BCR: variants seen among roughly 807,000 people sequenced by gnomAD.
BCR encodes BCR activator of RhoGEF and GTPase, also known as breakpoint cluster region protein.
In BCR, 58 loss-of-function variants were observed where a neutral mutation model predicts 138.6. The observed-to-expected ratio is 0.42, with a 90% confidence interval of 0.34 to 0.52. BCR has a LOEUF of 0.52. BCR is among the 20% of genes least tolerant of loss of function. The probability of loss-of-function intolerance (pLI) is 0.06; values close to 1 mark genes in which losing one functional copy is unlikely to be tolerated. For missense variants in BCR, 1,599 were observed against 1,727.2 expected (o/e 0.93, Z 1.32); for synonymous variants, 786 against 730.1 (o/e 1.08, Z -1.23).
chr22:23,191,082 G>T (rs919601736), intron 1 of BCR, among the ~76,000 whole-genome samples: 2 of 152,010 alleles, frequency 1.3e-5, no homozygotes, highest in Non-Finnish European at 2.9e-5. Flanking sequence ...ACAGGCGCGT[G>T]CCACCATGCC....
intron 4 of BCR, chr22:23,263,300 G>A (rs1164857496): frequency 1.7e-6 from 2 of 1,150,834 alleles, no homozygotes; most frequent in African/African-American, 1.5e-5. Flanking sequence ...TGTACCGCTG[G>A]CTGTGGCACT....
At chr22:23,273,521 A>G (rs1346816723) in intron 7 of BCR, 113 bp from the exon 8 acceptor site, 80 of 1,420,014 alleles carry the variant, frequency 5.6e-5, no homozygotes, top group Non-Finnish European at 7.6e-5. Context: ...CTGTGGTGAC[A>G]CTGAGGGAGC....
At chr22:23,202,444 A>G (rs2072563620) in intron 1 of BCR, among the ~76,000 whole-genome samples, 2 of 152,132 alleles carry the variant, frequency 1.3e-5, no homozygotes, top group South Asian at 4.1e-4. Flanking sequence ...CATCACTATC[A>G]TCCATCTCCA....
At chr22:23,199,784 T>G (rs1249016932) in intron 1 of BCR, among the ~76,000 whole-genome samples, 1 of 152,186 alleles carries the variant, frequency 6.6e-6, no homozygotes, top group Non-Finnish European at 1.5e-5. Flanking sequence ...GGAGGGTCAC[T>G]TTATTGAATT....
At chr22:23,195,604 C>T (rs1270222009) in intron 1 of BCR, among the ~76,000 whole-genome samples, 3 of 149,916 alleles carry the variant, frequency 2.0e-5, no homozygotes, top group South Asian at 2.1e-4. Context: ...AAATAAAAAC[C>T]GGCCGGGCGC....
chr22:23,297,534 C>T lies in BCR; in HGVS notation c.3012+2379C>T, dbSNP rs1340917951. On this transcript the variant is annotated intron_variant, in intron 16 of 22. Coordinates refer to ENST00000305877, the MANE Select transcript of BCR (RefSeq NM_004327.4). Reference sequence around the variant, plus strand: ...CAAAGCCAGTCGTGCTCCCATCGCTCCCACTTCTCTCTCCCTCTCCATGTT... The same window carrying T: ...CAAAGCCAGTCGTGCTCCCATCGCTTCCACTTCTCTCTCCCTCTCCATGTT... Among the ~76,000 whole-genome samples the T allele has an allele frequency of 2.0e-5, 3 of 152,186 alleles. No individual in the cohort carries two copies. The East Asian group carries it at 5.8e-4, about 29-fold the overall frequency.
intron 1 of BCR, among the ~76,000 whole-genome samples, chr22:23,183,962 A>G (rs1195492885): frequency 5.3e-5 from 8 of 152,220 alleles, no homozygotes; most frequent in Non-Finnish European, 1.0e-4. Flanking sequence ...TCCTCAGGAA[A>G]TGGCTGAGGA....
At chr22:23,278,872 CAG>C (rs2073609511) in intron 8 of BCR, among the ~76,000 whole-genome samples, 1 of 152,220 alleles carries the variant, frequency 6.6e-6, no homozygotes, top group Admixed American at 6.5e-5. Context: ...GGACACCAAA[CAG>C]AAGCTGTAAG....
intron 1 of BCR, among the ~76,000 whole-genome samples, chr22:23,211,157 A>G (rs1295455570): frequency 1.3e-5 from 2 of 152,208 alleles, no homozygotes; most frequent in Non-Finnish European, 2.9e-5. Flanking sequence ...ATCACATGGT[A>G]CATAGCTTTT....
chr22:23,203,865 C>CT (rs1031415912), intron 1 of BCR, among the ~76,000 whole-genome samples: 3 of 152,192 alleles, frequency 2.0e-5, no homozygotes, highest in African/African-American at 7.2e-5. Context: ...TCCTGCTTGG[C>CT]TTTCATTGAA....
chr22:23,228,853 T>C (rs2072921702), intron 1 of BCR, among the ~76,000 whole-genome samples: 1 of 152,214 alleles, frequency 6.6e-6, no homozygotes, highest in Non-Finnish European at 1.5e-5. Context: ...TTCTTTATCC[T>C]GTTTGGGGTT....
intron 1 of BCR, chr22:23,199,364 G>A (rs757056600): frequency 5.8e-6 from 3 of 513,054 alleles, no homozygotes; most frequent in Admixed American, 2.0e-5. Flanking sequence ...TGAGCCCCGC[G>A]GTTGCTTATT....
chr22:23,228,628 A>C (rs1002070040), intron 1 of BCR, among the ~76,000 whole-genome samples: 3 of 152,124 alleles, frequency 2.0e-5, no homozygotes, highest in Admixed American at 2.0e-4. Context: ...TTTTCATTGG[A>C]TATAACATTC....
intron 1 of BCR, among the ~76,000 whole-genome samples, chr22:23,244,076 C>T (rs1339808864): frequency 6.6e-6 from 1 of 152,190 alleles, no homozygotes; most frequent in Non-Finnish European, 1.5e-5. Flanking sequence ...TCTTGTGGTA[C>T]TGAGCCCTTA....
At chr22:23,288,247 A>G in intron 12 of BCR, 75 bp downstream of exon 12, 3 of 1,419,988 alleles carry the variant, frequency 2.1e-6, no homozygotes, top group Non-Finnish European at 3.0e-6. Context: ...GTGGTTTTAA[A>G]CCTTCTTTTT....
At chr22:23,270,376 C>G (rs181742094) in intron 5 of BCR, among the ~76,000 whole-genome samples, 1 of 152,288 alleles carries the variant, frequency 6.6e-6, no homozygotes, top group African/African-American at 2.4e-5. Flanking sequence ...ACCAAACTCA[C>G]AAGTTTTCTT....
rs775996427 is a variant in BCR, at chr22:23,181,482, G to A, written c.522G>A (p.Lys174=). ...GCCAGCCCGGGGCGGACGCCGAGAA[G>A]CCCTTCTACGTGAACGTCGAGTTTC... ...GHGQPGADAE[K]PFYVNVEFHH... The change falls in exon 1 of 23, where the codon AAG becomes AAA. Residue 174 remains lysine (K), a synonymous_variant. Transcript: ENST00000305877. 5.0e-6 allele frequency: 8 copies of A among 1,610,498 alleles called. No homozygotes were observed. Among genetic ancestry groups the A allele is most frequent in the East Asian group, 4.5e-5 (2 of 44,778 alleles).
At chr22:23,207,752 C>T (rs903240998) in intron 1 of BCR, among the ~76,000 whole-genome samples, 4 of 152,194 alleles carry the variant, frequency 2.6e-5, no homozygotes, top group Non-Finnish European at 4.4e-5. Context: ...TTCTCAGACA[C>T]TTGGGATAGC....
Position 23,273,687 on chromosome 22 carries a change from C to T in BCR, c.2028C>T (p.Asp676=), listed in dbSNP as rs748516885. 12 of 1,614,150 alleles carry T rather than the reference C, an allele frequency of 7.4e-6. No individual in the cohort carries two copies. The highest frequency in any genetic ancestry group is 2.2e-5 in the South Asian group (2 of 91,080). The change falls in exon 8 of 23, where the codon GAC becomes GAT. Residue 676 remains aspartate, a synonymous_variant. Coordinates refer to ENST00000305877, the MANE Select transcript of BCR (RefSeq NM_004327.4). The part of the protein sequence containing the change: ...ASHPDHPLLQ[D]ALRISQNFLS... ...ACCCTGACCACCCCTTGCTGCAGGA[C>T]GCCCTCCGCATCTCACAGAACTTCC... is the stretch of plus-strand genomic sequence containing the variant.
Sources: allele counts gnomAD v4.1 joint callset (sites outside exome capture counted in the v4.1 genomes callset), GRCh38; gene constraint gnomAD v4.1.1; transcripts MANE v1.5; gene names NCBI Gene and HGNC (gene_info 2026-07-23, HGNC 2026-07-21).